The following SPECC1 variants were observed in gnomAD, a reference collection of about 807,000 sequenced individuals.
The protein encoded by SPECC1 is cytospin-B.
A neutral mutation model predicts 104.1 loss-of-function variants in SPECC1; 62 were observed. That is an observed-to-expected ratio of 0.60 (90% confidence interval 0.49 to 0.74). The LOEUF is 0.74. SPECC1 is among the 30% of genes least tolerant of loss of function. The pLI is 0.00. For synonymous variants in SPECC1, 513 were observed against 501.6 expected, an observed-to-expected ratio of 1.02 and a Z score of -0.30; for missense variants, 1,306 against 1,310.5, an observed-to-expected ratio of 1.00 and a Z score of 0.05.
intron 1 of SPECC1, among the ~76,000 whole-genome samples, chr17:20,015,113 G>A (rs542959269): frequency 2.2e-4 from 33 of 152,186 alleles, no homozygotes; most frequent in African/African-American, 7.5e-4. Flanking sequence ...TTGGTAGTCC[G>A]TTTCATTCTA....
At chr17:20,191,087 T>C (rs1172150799) in intron 3 of SPECC1, among the ~76,000 whole-genome samples, 2 of 152,172 alleles carry the variant, frequency 1.3e-5, no homozygotes, top group Non-Finnish European at 2.9e-5. Context: ...TAATAGTTAT[T>C]TCATTTTAAG....
At chr17:20,242,544 C>G (rs577439092) in intron 7 of SPECC1, among the ~76,000 whole-genome samples, 1 of 152,186 alleles carries the variant, frequency 6.6e-6, no homozygotes, top group East Asian at 1.9e-4. Context: ...TATGGGTTGC[C>G]GCCTTTTAAG....
At chr17:20,297,422 G>A (rs1417302643) in intron 13 of SPECC1, among the ~76,000 whole-genome samples, 1 of 152,238 alleles carries the variant, frequency 6.6e-6, no homozygotes, top group East Asian at 1.9e-4. Context: ...CATGGTGCCT[G>A]TTAACACATT....
At chr17:20,016,504 T>C (rs1046977356) in intron 1 of SPECC1, among the ~76,000 whole-genome samples, 2 of 152,032 alleles carry the variant, frequency 1.3e-5, no homozygotes, top group African/African-American at 4.8e-5. Context: ...TACGCGGTGC[T>C]TGCGGGCCAG....
rs765903879 is a variant in SPECC1 at position 20,246,066 on chromosome 17, G to C, written c.2492G>C (p.Arg831Pro). ...CTTATCAAGTCATTTGACTTGGGAC[G>C]CCCAGGTATTTAATCATTTTTTCTA... ...KSLIKSFDLG[R>P]PGGAGQNISV... Residue 831 changes from arginine (R) to proline (P), a missense_variant, in exon 8 of 15, where the codon CGC (arginine) becomes CCC (proline). Coordinates refer to ENST00000395527, the MANE Select transcript of SPECC1 (RefSeq NM_001243439.2). 8.7e-6 allele frequency: 14 copies of C among 1,613,624 alleles called. No individual in the cohort carries two copies. Among genetic ancestry groups the C allele is most frequent in the Non-Finnish European group, 1.2e-5 (14 of 1,179,862 alleles).
chr17:20,048,955 T>C (rs1239117812), intron 1 of SPECC1, among the ~76,000 whole-genome samples: 1 of 151,974 alleles, frequency 6.6e-6, no homozygotes, highest in East Asian at 1.9e-4. Flanking sequence ...AAAAATAATA[T>C]ATTACAGTAT....
At chr17:20,227,151 A>C (rs891628312) in intron 4 of SPECC1, among the ~76,000 whole-genome samples, 1 of 152,298 alleles carries the variant, frequency 6.6e-6, no homozygotes, top group South Asian at 2.1e-4. Flanking sequence ...TGTTTCTCTG[A>C]CTATTCACAG....
At chr17:20,015,017 A>G (rs2044065680) in intron 1 of SPECC1, among the ~76,000 whole-genome samples, 1 of 152,160 alleles carries the variant, frequency 6.6e-6, no homozygotes, top group African/African-American at 2.4e-5. Flanking sequence ...GGCCTCCCAA[A>G]GTGCTGGGAT....
At chr17:20,010,234 A>T (rs1323427003) in intron 1 of SPECC1, 1 of 151,552 alleles carries the variant, frequency 6.6e-6, no homozygotes, top group African/African-American at 2.4e-5. Context: ...TTATGTAATA[A>T]GCGGCATACA....
chr17:20,209,913 A>C (rs2037024600), intron 4 of SPECC1, among the ~76,000 whole-genome samples: 1 of 152,204 alleles, frequency 6.6e-6, no homozygotes, highest in African/African-American at 2.4e-5. Context: ...TATTCCCGTG[A>C]GGTTGAAGCT....
At chr17:20,313,948 A>G (rs1487793203) in intron 14 of SPECC1, 28 bp from the exon 15 acceptor site, 1 of 1,609,880 alleles carries the variant, frequency 6.2e-7, no homozygotes, top group East Asian at 2.2e-5. Context: ...CTGCCTTGTG[A>G]TCTGTCCCCC....
intron 9 of SPECC1, among the ~76,000 whole-genome samples, chr17:20,247,884 G>C (rs1267677626): frequency 6.6e-6 from 1 of 152,184 alleles, no homozygotes; most frequent in African/African-American, 2.4e-5. Flanking sequence ...CAGGGATTTT[G>C]GTACTGAGGG....
chr17:20,082,364 T>C (rs897059363), intron 1 of SPECC1, among the ~76,000 whole-genome samples: 15 of 151,864 alleles, frequency 9.9e-5, no homozygotes, highest in Admixed American at 2.6e-4. Flanking sequence ...TTTTGGGAGG[T>C]TGAGGCAGGA....
intron 3 of SPECC1, chr17:20,156,364 T>C (rs2032526048): frequency 9.3e-7 from 1 of 1,073,962 alleles, no homozygotes; most frequent in Non-Finnish European, 1.2e-6. Flanking sequence ...TGGGGTGTGA[T>C]TCTTGTCGTT....
intron 3 of SPECC1, among the ~76,000 whole-genome samples, chr17:20,145,568 A>G (rs2031371176): frequency 1.3e-5 from 2 of 152,236 alleles, no homozygotes; most frequent in African/African-American, 2.4e-5. Context: ...AGAAGGTTTC[A>G]GTATCTCTTT....
intron 1 of SPECC1, among the ~76,000 whole-genome samples, chr17:20,086,869 C>T (rs2047199489): frequency 6.6e-6 from 1 of 152,168 alleles, no homozygotes; most frequent in Admixed American, 6.5e-5. Context: ...GTGGGTGGGG[C>T]AGCATGCCCT....
rs2048543204 is a variant in SPECC1 at position 20,112,520 on chromosome 17, G to A, written c.283+1958G>A. 3.9e-6 allele frequency: 3 copies of A among 772,970 alleles called. No individual in the cohort carries two copies. In the East Asian group the frequency reaches 7.3e-5, roughly 19 times the overall value. 47.9% of individuals were successfully genotyped at this position (772,970 alleles called of 1,614,324 possible). A position where few individuals can be genotyped will look rare whatever the true frequency, so the allele number is the denominator to read the frequency against. On this transcript the variant is annotated intron_variant, in intron 3 of 14. Transcript: ENST00000395527. ...CAGTGGTGCTGATCTTTCTCATTTG[G>A]ACCTTTGAAACATTAACTTCAAAAT...
chr17:20,293,614 G>A (rs2041243960), intron 12 of SPECC1, among the ~76,000 whole-genome samples: 1 of 152,224 alleles, frequency 6.6e-6, no homozygotes, highest in Non-Finnish European at 1.5e-5. Context: ...GGCAAGAAGA[G>A]GAAGAGCTCC....
chr17:20,230,188 G>GGAAC (rs762571863), intron 5 of SPECC1, among the ~76,000 whole-genome samples: 2 of 152,184 alleles, frequency 1.3e-5, no homozygotes, highest in Non-Finnish European at 2.9e-5. Flanking sequence ...GAGGCTTGCA[G>GGAAC]GAACCTAACC....
Sources: allele counts gnomAD v4.1 joint callset (sites outside exome capture counted in the v4.1 genomes callset), GRCh38; gene constraint gnomAD v4.1.1; transcripts MANE v1.5; gene names NCBI Gene and HGNC (gene_info 2026-07-23, HGNC 2026-07-21).